The following FAM83B variants were observed in gnomAD, a reference collection of about 807,000 sequenced individuals.
FAM83B encodes the protein protein FAM83B.
FAM83B carries 26 observed loss-of-function variants against 38.8 expected under a neutral mutation model. The ratio of observed to expected loss-of-function variants is 0.67; its 90% CI spans 0.49 to 0.93. The LOEUF (loss-of-function observed/expected upper bound fraction) is 0.93. Among genes scored for constraint, FAM83B ranks in the 40% least tolerant of loss-of-function variants. The pLI is 0.00. For synonymous variants in FAM83B, 419 were observed against 423.1 expected (o/e 0.99, Z 0.12); for missense variants, 1,237 against 1,197.3 (o/e 1.03, Z -0.49).
At chr6:54,885,825 G>A (rs1228907195) in intron 2 of FAM83B, among the ~76,000 whole-genome samples, 1 of 148,672 alleles carries the variant, frequency 6.7e-6, no homozygotes, top group East Asian at 2.0e-4. Context: ...TGTGGGACAG[G>A]GGGAGGGGGG....
intron 2 of FAM83B, among the ~76,000 whole-genome samples, chr6:54,906,115 A>G (rs1023252027): frequency 6.6e-6 from 1 of 152,022 alleles, no homozygotes; most frequent in African/African-American, 2.4e-5. Context: ...CTTTGTTTCA[A>G]CTGATCAGCT....
intron 2 of FAM83B, among the ~76,000 whole-genome samples, chr6:54,907,912 T>TA (rs1420189251): frequency 6.6e-6 from 1 of 152,118 alleles, no homozygotes; most frequent in Non-Finnish European, 1.5e-5. Context: ...ATATGATTTT[T>TA]ATCAAAGGAA....
At chr6:54,884,388 A>T (rs903320691) in intron 2 of FAM83B, among the ~76,000 whole-genome samples, 2 of 149,942 alleles carry the variant, frequency 1.3e-5, no homozygotes, top group Non-Finnish European at 3.0e-5. Context: ...AGGCTGAGTC[A>T]TGAGAATTGC....
intron 2 of FAM83B, among the ~76,000 whole-genome samples, chr6:54,896,755 G>T (rs1772547151): frequency 6.6e-6 from 1 of 152,096 alleles, no homozygotes; most frequent in Admixed American, 6.6e-5. Flanking sequence ...AGTCAGGAAA[G>T]TATCTTCTAT....
chr6:54,926,360 A>C lies in FAM83B; in HGVS notation c.445-11A>C. On this transcript the variant is annotated splice_polypyrimidine_tract_variant and intron_variant, in intron 2 of 4. Coordinates refer to ENST00000306858, the MANE Select transcript of FAM83B (RefSeq NM_001010872.3). ...GGATCTAAAATTGTTTCATATTCTTATATTTAACAGGTCATTGCTTTAGTG... is the reference window on the plus strand; with the variant it reads ...GGATCTAAAATTGTTTCATATTCTTCTATTTAACAGGTCATTGCTTTAGTG... The C allele has an allele frequency of 6.6e-7, 1 of 1,518,872 alleles. No individual in the cohort carries two copies. Among genetic ancestry groups the C allele is most frequent in the Non-Finnish European group, 8.9e-7 (1 of 1,119,894 alleles). The allele number at this position is 1,518,872 out of a possible 1,614,324, so 94.1% of individuals were successfully genotyped here.
At chr6:54,874,099 T>G (rs1302176513) in intron 2 of FAM83B, among the ~76,000 whole-genome samples, 1 of 152,090 alleles carries the variant, frequency 6.6e-6, no homozygotes, top group Non-Finnish European at 1.5e-5. Context: ...ATTTATATGC[T>G]CTCATTTCTA....
intron 2 of FAM83B, among the ~76,000 whole-genome samples, chr6:54,879,739 G>A (rs1466621208): frequency 6.6e-6 from 1 of 152,174 alleles, no homozygotes; most frequent in African/African-American, 2.4e-5. Flanking sequence ...TTTAGTGACA[G>A]TGATGTTGTG....
chr6:54,884,409 G>A (rs1385102759), intron 2 of FAM83B, among the ~76,000 whole-genome samples: 3 of 151,132 alleles, frequency 2.0e-5, no homozygotes, highest in Non-Finnish European at 4.4e-5. Flanking sequence ...TTGAACCTGG[G>A]GGGCGGAGGT....
At chr6:54,878,023 G>T (rs890352646) in intron 2 of FAM83B, among the ~76,000 whole-genome samples, 2 of 152,184 alleles carry the variant, frequency 1.3e-5, no homozygotes, top group African/African-American at 4.8e-5. Context: ...AGTAGATGAG[G>T]TGCTAGTACC....
chr6:54,884,806 T>C (rs1772229965), intron 2 of FAM83B, among the ~76,000 whole-genome samples: 2 of 150,298 alleles, frequency 1.3e-5, no homozygotes, highest in South Asian at 2.1e-4. Context: ...GGAGTCTAGC[T>C]CTGTCGCCCA....
chr6:54,871,736 C>T (rs1487782210), intron 2 of FAM83B, among the ~76,000 whole-genome samples: 5 of 101,792 alleles, frequency 4.9e-5, no homozygotes, highest in Non-Finnish European at 9.1e-5. Context: ...GAGCGAGACC[C>T]TGTCTCACCA....
At chr6:54,916,765 G>T (rs1049358495) in intron 2 of FAM83B, among the ~76,000 whole-genome samples, 1 of 152,168 alleles carries the variant, frequency 6.6e-6, no homozygotes, top group Non-Finnish European at 1.5e-5. Context: ...GTACACAGAT[G>T]AATGTGGGCA....
chr6:54,850,507 T>G (rs563758579), intron 1 of FAM83B, among the ~76,000 whole-genome samples: 1 of 152,218 alleles, frequency 6.6e-6, no homozygotes, highest in Non-Finnish European at 1.5e-5. Flanking sequence ...GATTCCTTCT[T>G]TGATTACATA....
chr6:54,921,152 G>T (rs1456318105), intron 2 of FAM83B, among the ~76,000 whole-genome samples: 2 of 151,876 alleles, frequency 1.3e-5, no homozygotes, highest in Middle Eastern at 3.2e-3. Flanking sequence ...GCTTATCCAT[G>T]AAGACCTGTT....
intron 2 of FAM83B, among the ~76,000 whole-genome samples, chr6:54,882,163 C>T (rs894047518): frequency 3.3e-5 from 5 of 152,110 alleles, no homozygotes; most frequent in African/African-American, 1.2e-4. Flanking sequence ...CAGTCTATCA[C>T]TGTTGGACAT....
chr6:54,926,477 A>G lies in FAM83B; in HGVS notation c.551A>G (p.Asn184Ser), dbSNP rs552422402. 5.0e-6 allele frequency: 8 copies of G among 1,609,994 alleles called. No homozygotes were observed. Among genetic ancestry groups the G allele is most frequent in the South Asian group, 4.4e-5 (4 of 90,602 alleles). ...GTTTACATTCTGCTTGATGAGTCCA[A>G]TTTTAATCATTTTCTAAATATGACT... is the stretch of plus-strand genomic sequence containing the variant. The part of the protein sequence containing the change: ...VSVYILLDES[N>S]FNHFLNMTEK... The change falls in exon 3 of 5, where the codon AAT (asparagine) becomes AGT (serine). Residue 184 changes from asparagine to serine, a missense_variant. Asn to Ser is a conservative substitution (Grantham distance 46). Transcript: ENST00000306858.
intron 2 of FAM83B, among the ~76,000 whole-genome samples, chr6:54,877,962 G>A (rs1421770108): frequency 6.6e-6 from 1 of 152,200 alleles, no homozygotes; most frequent in Non-Finnish European, 1.5e-5. Context: ...TCATGTGGTT[G>A]TTATTAGAAG....
rs1362132623 is a variant in FAM83B, at chr6:54,943,695, C to G, written c.*1688C>G. 2 of 152,044 alleles carry G rather than the reference C, an allele frequency of 1.3e-5. No homozygotes were observed. Among genetic ancestry groups the G allele is most frequent in the African/African-American group, 2.4e-5 (1 of 41,408 alleles). 9.4% of individuals were successfully genotyped at this position (152,044 alleles called of 1,614,324 possible). A position where few individuals can be genotyped will look rare whatever the true frequency, so the allele number is the denominator to read the frequency against. ...ACAAAGCCCAGAACCCACAGTTAACCAAACTAGACTGACTTTGTTATTACC... is the reference window on the plus strand; with the variant it reads ...ACAAAGCCCAGAACCCACAGTTAACGAAACTAGACTGACTTTGTTATTACC... On this transcript the variant is annotated 3_prime_UTR_variant, in exon 5 of 5. Transcript: ENST00000306858.
chr6:54,847,986 C>A (rs1047124485), intron 1 of FAM83B, among the ~76,000 whole-genome samples: 5 of 151,820 alleles, frequency 3.3e-5, no homozygotes, highest in African/African-American at 1.2e-4. Flanking sequence ...CTAACAAGTG[C>A]AAGAGCCCCG....
Sources: gnomAD v4.1 joint callset for allele counts (sites outside exome capture counted in the v4.1 genomes callset) on GRCh38, gnomAD v4.1.1 for gene constraint, MANE v1.5 for transcripts, NCBI Gene and HGNC (gene_info 2026-07-23, HGNC 2026-07-21) for gene names.